The following TAF2 variants were observed in gnomAD, a reference collection of about 807,000 sequenced individuals.
TAF2 encodes the protein TATA-box binding protein associated factor 2, also known as transcription initiation factor TFIID subunit 2.
A neutral mutation model predicts 138.5 loss-of-function variants in TAF2; 61 were observed. That is an observed-to-expected ratio of 0.44 (90% CI 0.36 to 0.54). The LOEUF is 0.54. TAF2 is among the 20% of genes least tolerant of loss of function. TAF2 has a pLI of 0.00. For synonymous variants in TAF2, 475 were observed against 469.9 expected (o/e 1.01, Z -0.14); for missense variants, 1,090 against 1,427.9 (o/e 0.76, Z 3.81).
chr8:119,786,858 T>C (rs1172481680), intron 14 of TAF2, among the ~76,000 whole-genome samples: 1 of 151,870 alleles, frequency 6.6e-6, no homozygotes, highest in African/African-American at 2.4e-5. Context: ...GAGGCGGAGG[T>C]TGCAATGAGC....
chr8:119,806,245 G>T, intron 4 of TAF2, 38 bp downstream of exon 4: 1 of 1,528,460 alleles, frequency 6.5e-7, no homozygotes, highest in Non-Finnish European at 9.1e-7. Context: ...AATCTAACGT[G>T]ATTTTAGTGT....
At chr8:119,813,854 G>C (rs541201335) in intron 3 of TAF2, among the ~76,000 whole-genome samples, 1 of 152,312 alleles carries the variant, frequency 6.6e-6, no homozygotes, top group East Asian at 1.9e-4. Context: ...GGTGGCTTAT[G>C]CCTGTAATTG....
intron 18 of TAF2, among the ~76,000 whole-genome samples, chr8:119,773,985 C>G (rs531263555): frequency 6.6e-6 from 1 of 151,720 alleles, no homozygotes; most frequent in African/African-American, 2.4e-5. Flanking sequence ...TCCTGGCTAA[C>G]ATGGTGAAAC....
intron 3 of TAF2, 84 bp downstream of exon 3, chr8:119,819,262 A>T: frequency 7.0e-7 from 1 of 1,427,630 alleles, no homozygotes; most frequent in Non-Finnish European, 9.7e-7. Context: ...CAAAAAAAAA[A>T]TACTTTGAGA....
At chr8:119,798,999 G>A (rs1387674973) in intron 6 of TAF2, among the ~76,000 whole-genome samples, 3 of 152,032 alleles carry the variant, frequency 2.0e-5, no homozygotes, top group South Asian at 4.1e-4. Context: ...TACTGATAAT[G>A]CAGACAAGTC....
intron 3 of TAF2, among the ~76,000 whole-genome samples, chr8:119,807,489 CAAG>C (rs1824741557): frequency 6.6e-6 from 1 of 152,138 alleles, no homozygotes; most frequent in Non-Finnish European, 1.5e-5. Flanking sequence ...ATGGGAAGGG[CAAG>C]AATACAAGAT....
rs1263658699 is a variant in TAF2 at position 119,797,034 on chromosome 8, G to A, written c.1047C>T (p.Ser349=). The A allele has an allele frequency of 1.2e-6, 2 of 1,613,268 alleles. No homozygotes were observed. Among genetic ancestry groups the A allele is most frequent in the South Asian group, 1.1e-5 (1 of 91,036 alleles). ...TPLTRRCLAQ[S]LAQQFFGCFI... is the part of the protein sequence containing the mutation. ...AACAACCAAAAAACTGCTGGGCCAA[G>A]GATTGGGCTAAACACCTTCTAGTCA... The change falls in exon 8 of 26, where the codon TCC becomes TCT. Residue 349 remains serine, a synonymous_variant. Coordinates refer to ENST00000378164, the MANE Select transcript of TAF2 (RefSeq NM_003184.4).
intron 22 of TAF2, among the ~76,000 whole-genome samples, chr8:119,752,491 A>T (rs1820419304): frequency 6.6e-6 from 1 of 152,044 alleles, no homozygotes; most frequent in South Asian, 2.1e-4. Flanking sequence ...TCAGCTACCA[A>T]GAGCCCTCAG....
intron 3 of TAF2, among the ~76,000 whole-genome samples, chr8:119,810,990 A>C (rs1027568795): frequency 2.0e-5 from 3 of 152,224 alleles, no homozygotes; most frequent in African/African-American, 7.2e-5. Context: ...TACACAAATC[A>C]AATGTTTTCT....
intron 3 of TAF2, among the ~76,000 whole-genome samples, chr8:119,814,737 C>CAAAAAAAAAAA (rs397795248): frequency 6.1e-4 from 53 of 86,404 alleles, no homozygotes; most frequent in African/African-American, 1.6e-3. Flanking sequence ...ACCAAAAATA[C>CAAAAAAAAAAA]AAAAAAAAAA....
chr8:119,751,447 A>G (rs1257907006), intron 22 of TAF2, among the ~76,000 whole-genome samples: 1 of 152,230 alleles, frequency 6.6e-6, no homozygotes. Flanking sequence ...AAATGTATTT[A>G]TCCTGCTGGA....
chr8:119,760,555 A>C (rs1820992246), intron 20 of TAF2, 44 bp downstream of exon 20: 1 of 1,602,352 alleles, frequency 6.2e-7, no homozygotes, highest in South Asian at 1.1e-5. Context: ...AAAAGTAAAT[A>C]GTTCTTTCTA....
At chr8:119,773,424 C>A (rs1563856607) in intron 18 of TAF2, among the ~76,000 whole-genome samples, 1 of 151,560 alleles carries the variant, frequency 6.6e-6, no homozygotes, top group East Asian at 1.9e-4. Context: ...CCTTTCTCCC[C>A]ATTCTTACTC....
chr8:119,760,408 A>C, intron 20 of TAF2, 191 bp downstream of exon 20: 3 of 612,204 alleles, frequency 4.9e-6, no homozygotes, highest in Non-Finnish European at 8.1e-6. Flanking sequence ...CTATAATTTT[A>C]TTCCTTTCCC....
chr8:119,797,234 T>G lies in TAF2; in HGVS notation c.978-131A>C. ...AAAATTCTCCCACCTTTCTAATCTT[T>G]TCAAAATTTAGCTAAAATTCATCAT... On this transcript the variant is annotated intron_variant, in intron 7 of 25. Transcript: ENST00000378164. The G allele has an allele frequency of 2.8e-6, 2 of 724,924 alleles. 1 individual carries two copies. Among genetic ancestry groups the G allele is most frequent in the South Asian group, 3.4e-5 (2 of 58,318 alleles). 44.9% of individuals were successfully genotyped at this position (724,924 alleles called of 1,614,324 possible).
chr8:119,783,417 G>C lies in TAF2; in HGVS notation c.2076C>G (p.Tyr692Ter). 1 of 1,614,084 alleles carries C rather than the reference G, an allele frequency of 6.2e-7. No individual in the cohort carries two copies. Among genetic ancestry groups the C allele is most frequent in the Non-Finnish European group, 8.5e-7 (1 of 1,180,016 alleles). The change falls in exon 16 of 26, where the codon TAC becomes TAG. Residue 692 changes from tyrosine (Y) to a stop codon, truncating the protein, a stop_gained. Transcript: ENST00000378164. LOFTEE classifies it high-confidence loss of function. ...AGAAGCAAGCTGACATTCTTACTCT[G>C]TAGAAACACTGCTCTTGTTCTAATA... is the stretch of plus-strand genomic sequence containing the variant. ...TDILEQEQCF[Y>*]RVRMSACFCL...
chr8:119,801,150 GACC>G (rs2131204742), intron 6 of TAF2, among the ~76,000 whole-genome samples: 1 of 152,162 alleles, frequency 6.6e-6, no homozygotes, highest in South Asian at 2.1e-4. Flanking sequence ...CCAGAGATGG[GACC>G]ACAACATTCA....
chr8:119,830,866 G>A (rs1219420515), intron 2 of TAF2, among the ~76,000 whole-genome samples: 1 of 152,176 alleles, frequency 6.6e-6, no homozygotes, highest in African/African-American at 2.4e-5. Flanking sequence ...AGCATTTTGG[G>A]AGGCAGAGGC....
chr8:119,815,419 C>CAT (rs1825390639), intron 3 of TAF2, among the ~76,000 whole-genome samples: 1 of 151,636 alleles, frequency 6.6e-6, no homozygotes, highest in African/African-American at 2.4e-5. Context: ...GGACTACAGG[C>CAT]GCCTGCCACC....
Sources: allele counts gnomAD v4.1 joint callset (sites outside exome capture counted in the v4.1 genomes callset), GRCh38; gene constraint gnomAD v4.1.1; transcripts MANE v1.5; gene names NCBI Gene and HGNC (gene_info 2026-07-23, HGNC 2026-07-21).